The following DISP1 variants were observed in gnomAD, a reference collection of about 807,000 sequenced individuals.
The protein encoded by DISP1 is dispatched RND transporter family member 1, also known as protein dispatched homolog 1.
In DISP1, 30 loss-of-function variants were observed where a neutral mutation model predicts 37.3. The observed-to-expected ratio is 0.80, with a 90% CI of 0.60 to 1.09. The LOEUF (loss-of-function observed/expected upper bound fraction) is 1.09, where lower values mean the gene tolerates loss of function less well. DISP1 is among the 50% of genes least tolerant of loss of function. The pLI is 0.00. For synonymous variants in DISP1, 634 were observed against 690.2 expected (o/e 0.92, Z 1.28); for missense variants, 1,598 against 1,879.5 (o/e 0.85, Z 2.77).
At chr1:222,846,103 GTTAA>G (rs929180900) in intron 1 of DISP1, among the ~76,000 whole-genome samples, 15 of 152,280 alleles carry the variant, frequency 9.9e-5, no homozygotes, top group African/African-American at 3.1e-4. Context: ...TGCATTTTGA[GTTAA>G]TTTTTATGTA....
chr1:223,003,204 C>T lies in DISP1; in HGVS notation c.1807C>T (p.His603Tyr). The T allele has an allele frequency of 6.8e-6, 11 of 1,614,234 alleles. No individual in the cohort carries two copies. Among genetic ancestry groups the T allele is most frequent in the Non-Finnish European group, 9.3e-6 (11 of 1,180,048 alleles). ...TSETVSITLQ[H>Y]AALSMFVTSF... ...AGAAACAGTAAGCATCACCTTGCAG[C>T]ACGCTGCCCTCTCCATGTTCGTCAC... is the stretch of plus-strand genomic sequence containing the variant. The change falls in exon 9 of 9, where the codon CAC becomes TAC. Residue 603 changes from histidine to tyrosine, a missense_variant. By Grantham distance (83) the His-to-Tyr change is moderately conservative. Transcript: ENST00000675850. This position sits in a 1 kb window ranked among gnomAD's most constrained non-coding sequence, Gnocchi z 4.3.
At chr1:222,975,705 G>A (rs1420036843) in intron 3 of DISP1, among the ~76,000 whole-genome samples, 8 of 152,112 alleles carry the variant, frequency 5.3e-5, no homozygotes, top group Admixed American at 4.6e-4. Context: ...TACACATACC[G>A]CAGTTCACTG....
intron 1 of DISP1, among the ~76,000 whole-genome samples, chr1:222,841,018 A>C (rs918141353): frequency 1.3e-5 from 2 of 152,208 alleles, no homozygotes; most frequent in Non-Finnish European, 2.9e-5. Flanking sequence ...TCTTGGACAC[A>C]GATTTTGTCT....
At chr1:222,959,712 AAAAAG>A (rs1280750816) in intron 3 of DISP1, among the ~76,000 whole-genome samples, 106 of 150,516 alleles carry the variant, frequency 7.0e-4, no homozygotes, top group Non-Finnish European at 1.3e-3. Context: ...AAAAAAAAAA[AAAAAG>A]AAAGAAAAGA....
At chr1:222,989,801 G>T (rs1234477087) in intron 4 of DISP1, among the ~76,000 whole-genome samples, 1 of 66,232 alleles carries the variant, frequency 1.5e-5, no homozygotes, top group East Asian at 5.4e-4. Context: ...GAAGTGTTTA[G>T]TTTAGTTTTT....
chr1:222,826,407 G>T (rs1664426230), intron 1 of DISP1, among the ~76,000 whole-genome samples: 1 of 145,060 alleles, frequency 6.9e-6, no homozygotes. Flanking sequence ...TTGAGACAGG[G>T]TCTCACTCTG....
At chr1:222,989,963 C>T (rs1339641856) in intron 4 of DISP1, among the ~76,000 whole-genome samples, 1 of 152,034 alleles carries the variant, frequency 6.6e-6, no homozygotes, top group Non-Finnish European at 1.5e-5. Flanking sequence ...CCACCATGCC[C>T]AACTAATTTT....
chr1:222,836,445 G>C (rs1435660644), intron 1 of DISP1, among the ~76,000 whole-genome samples: 3 of 152,116 alleles, frequency 2.0e-5, no homozygotes, highest in Admixed American at 1.3e-4. Flanking sequence ...CTATAATTAT[G>C]ACAGACAAAC....
intron 3 of DISP1, among the ~76,000 whole-genome samples, chr1:222,966,144 T>C (rs1676464845): frequency 6.6e-6 from 1 of 152,260 alleles, no homozygotes; most frequent in Non-Finnish European, 1.5e-5. Context: ...TTTTTTACAC[T>C]GAAGCATTTC....
At chr1:222,874,630 C>T (rs1264884648) in intron 1 of DISP1, among the ~76,000 whole-genome samples, 6 of 152,142 alleles carry the variant, frequency 3.9e-5, no homozygotes, top group African/African-American at 1.2e-4. Context: ...AAGGACTTCT[C>T]TGCATTGGTT....
intron 1 of DISP1, among the ~76,000 whole-genome samples, chr1:222,839,670 C>T (rs1347960392): frequency 1.3e-5 from 2 of 152,114 alleles, no homozygotes; most frequent in African/African-American, 4.8e-5. Context: ...CATGGTGGCT[C>T]ATACCTGTAA....
chr1:222,988,795 A>G (rs2102732203), intron 4 of DISP1, among the ~76,000 whole-genome samples: 1 of 152,068 alleles, frequency 6.6e-6, no homozygotes, highest in East Asian at 1.9e-4. Context: ...CTGGGACTAC[A>G]GGCGTGTGCC....
At chr1:222,845,249 A>G (rs1667834422) in intron 1 of DISP1, among the ~76,000 whole-genome samples, 1 of 152,176 alleles carries the variant, frequency 6.6e-6, no homozygotes, top group Non-Finnish European at 1.5e-5. Context: ...AAAGAAAGGC[A>G]CAGTGAAGTA....
At chr1:222,904,762 T>A (rs1330879311) in intron 1 of DISP1, among the ~76,000 whole-genome samples, 1 of 152,056 alleles carries the variant, frequency 6.6e-6, no homozygotes, top group Admixed American at 6.5e-5. Context: ...GAGACGGGGT[T>A]TCACCATATT....
intron 1 of DISP1, among the ~76,000 whole-genome samples, chr1:222,859,070 T>C (rs1253411318): frequency 6.6e-6 from 1 of 152,224 alleles, no homozygotes; most frequent in East Asian, 1.9e-4. Flanking sequence ...AGCAAAGACA[T>C]GGAATCAACC....
intron 1 of DISP1, among the ~76,000 whole-genome samples, chr1:222,908,630 G>A (rs767128878): frequency 1.3e-5 from 2 of 152,034 alleles, no homozygotes; most frequent in Admixed American, 1.3e-4. Context: ...TCCTGACCTC[G>A]TGATCTGCCC....
chr1:222,955,930 G>C (rs1260129229), intron 3 of DISP1, among the ~76,000 whole-genome samples: 1 of 152,186 alleles, frequency 6.6e-6, no homozygotes, highest in African/African-American at 2.4e-5. Context: ...TTAGTTCAGT[G>C]AAATCAGTTT....
At chr1:222,819,217 A>G (rs974000152) in intron 1 of DISP1, among the ~76,000 whole-genome samples, 3 of 152,128 alleles carry the variant, frequency 2.0e-5, no homozygotes, top group Admixed American at 2.0e-4. Flanking sequence ...TTCTGCAATG[A>G]TTGTAAGTTT....
At chr1:222,946,383 CAAAAAAAA>C (rs71178514) in intron 3 of DISP1, among the ~76,000 whole-genome samples, 1 of 85,452 alleles carries the variant, frequency 1.2e-5, no homozygotes, top group South Asian at 4.1e-4. Flanking sequence ...GACTCCATCT[CAAAAAAAA>C]AAAAAAAAAA....
Sources: gnomAD v4.1 joint callset for allele counts (sites outside exome capture counted in the v4.1 genomes callset) on GRCh38, gnomAD v4.1.1 for gene constraint, Gnocchi (gnomAD v3.1) non-coding constraint, MANE v1.5 for transcripts, NCBI Gene and HGNC (gene_info 2026-07-23, HGNC 2026-07-21) for gene names.